CDADC1: variants seen among roughly 807,000 people sequenced by gnomAD.
CDADC1 encodes dCTP deaminase.
In CDADC1, 39 loss-of-function variants were observed where a neutral mutation model predicts 54.9. That is an observed-to-expected ratio of 0.71 (90% CI 0.55 to 0.93). CDADC1 has a LOEUF of 0.93. Among genes scored for constraint, CDADC1 ranks in the 40% least tolerant of loss-of-function variants. The pLI is 0.00. For missense variants in CDADC1, 518 were observed against 618.8 expected, an observed-to-expected ratio of 0.84 and a Z score of 1.73; for synonymous variants, 186 against 204.0, an observed-to-expected ratio of 0.91 and a Z score of 0.75.
intron 8 of CDADC1, among the ~76,000 whole-genome samples, chr13:49,283,000 C>T (rs986783065): frequency 1.3e-5 from 2 of 152,180 alleles, no homozygotes; most frequent in African/African-American, 2.4e-5. Context: ...GTTTCTATGA[C>T]ATCCAATGAT....
intron 7 of CDADC1, among the ~76,000 whole-genome samples, chr13:49,279,123 C>T (rs1043853160): frequency 6.6e-6 from 1 of 152,162 alleles, no homozygotes; most frequent in Non-Finnish European, 1.5e-5. Flanking sequence ...TGTTAATTTA[C>T]ATCATTTTCA....
chr13:49,282,240 T>G (rs1953369421), intron 8 of CDADC1, among the ~76,000 whole-genome samples: 4 of 145,040 alleles, frequency 2.8e-5, no homozygotes, highest in Admixed American at 6.8e-5. Flanking sequence ...TTGTGGGTTT[T>G]TTTTTTTTTT....
Position 49,292,923 on chromosome 13 carries a change from C to A in CDADC1, c.*1166C>A. On this transcript the variant is annotated 3_prime_UTR_variant, in exon 10 of 10. Transcript: ENST00000251108. ...CCTACCAGTTTCTCAGAATTACACG[C>A]ACGACCATCCAAACATTGGCTCCAT... 2.0e-6 allele frequency: 1 copy of A among 500,472 alleles called. No individual in the cohort carries two copies. Among genetic ancestry groups the A allele is most frequent in the Non-Finnish European group, 3.2e-6 (1 of 312,448 alleles). The allele number at this position is 500,472 out of a possible 1,614,324, so 31.0% of individuals were successfully genotyped here. A position where few individuals can be genotyped will look rare whatever the true frequency, so the allele number is the denominator to read the frequency against.
rs1395276551 is a variant in CDADC1 at position 49,292,087 on chromosome 13, G to A, written c.*330G>A. On this transcript the variant is annotated 3_prime_UTR_variant, in exon 10 of 10. Transcript: ENST00000251108. ...ATTTGAAAGGGTCTGCTTCACAAGA[G>A]GTCATGCCTCTGCAGGGAATCACAC... 12 of 1,072,644 alleles carry A rather than the reference G, an allele frequency of 1.1e-5. No individual in the cohort carries two copies. Among genetic ancestry groups the A allele is most frequent in the Non-Finnish European group, 1.2e-5 (11 of 883,016 alleles). The allele number at this position is 1,072,644 out of a possible 1,614,324, so 66.4% of individuals were successfully genotyped here.
At chr13:49,260,535 C>T (rs184205596) in intron 4 of CDADC1, among the ~76,000 whole-genome samples, 93 of 152,322 alleles carry the variant, frequency 6.1e-4, no homozygotes, top group African/African-American at 2.0e-3. Flanking sequence ...GTTGTTCCCA[C>T]TGGGCAGCTG....
At chr13:49,289,290 A>C (rs1713644104) in intron 9 of CDADC1, among the ~76,000 whole-genome samples, 1 of 151,928 alleles carries the variant, frequency 6.6e-6, no homozygotes, top group South Asian at 2.1e-4. Flanking sequence ...CACCATGCCC[A>C]GCTAATTTTG....
Position 49,292,762 on chromosome 13 carries a change from T to G in CDADC1, c.*1005T>G, listed in dbSNP as rs2138283615. ...ATTATTCCAAAAATGAAGGTACATTTTCTGTTCTCTCCTAGGTTAGAGAGG... is the reference window on the plus strand; with the variant it reads ...ATTATTCCAAAAATGAAGGTACATTGTCTGTTCTCTCCTAGGTTAGAGAGG... On this transcript the variant is annotated 3_prime_UTR_variant, in exon 10 of 10. Transcript: ENST00000251108. 1 of 1,277,768 alleles carries G rather than the reference T, an allele frequency of 7.8e-7. No homozygotes were observed. Among genetic ancestry groups the G allele is most frequent in the Non-Finnish European group, 1.0e-6 (1 of 984,464 alleles). 79.2% of individuals were successfully genotyped at this position (1,277,768 alleles called of 1,614,324 possible). A position where few individuals can be genotyped will look rare whatever the true frequency, so the allele number is the denominator to read the frequency against.
chr13:49,285,895 C>A (rs1241093515), intron 8 of CDADC1, among the ~76,000 whole-genome samples: 1 of 151,682 alleles, frequency 6.6e-6, no homozygotes, highest in East Asian at 1.9e-4. Flanking sequence ...CTCACTGCAA[C>A]CTCCACCTCC....
At chr13:49,270,192 C>G (rs943488735) in intron 5 of CDADC1, among the ~76,000 whole-genome samples, 1 of 152,022 alleles carries the variant, frequency 6.6e-6, no homozygotes, top group Non-Finnish European at 1.5e-5. Flanking sequence ...ACTTTTGGAG[C>G]CAAATGTAAA....
At chr13:49,278,328 A>T (rs1376377386) in intron 6 of CDADC1, 22 bp from the exon 7 acceptor site, 2 of 1,482,564 alleles carry the variant, frequency 1.3e-6, no homozygotes, top group East Asian at 4.8e-5. Context: ...GAAACTAACC[A>T]TTGGTTTGCT....
At chr13:49,276,078 T>C (rs1953125986) in intron 6 of CDADC1, among the ~76,000 whole-genome samples, 1 of 152,166 alleles carries the variant, frequency 6.6e-6, no homozygotes, top group South Asian at 2.1e-4. Flanking sequence ...GAGCCATGTT[T>C]TTAAAAGGAA....
chr13:49,248,060 A>C lies in CDADC1; in HGVS notation c.23A>C (p.Gln8Pro). The C allele has an allele frequency of 6.4e-7, 1 of 1,553,668 alleles. No individual in the cohort carries two copies. The highest frequency in any genetic ancestry group is 8.7e-7 in the Non-Finnish European group (1 of 1,148,206). Residue 8 changes from glutamine (Q) to proline (P), a missense_variant, in exon 1 of 10, where the codon CAA becomes CCA. Physicochemically the swap from Gln to Pro is moderately conservative, Grantham distance 76 (BLOSUM62 -1). Transcript: ENST00000251108. ...GGGATGAAAGAAGCTGGGCAGATGC[A>C]AAATCTGGAGAGCGCGAGGGCCGGG... is the stretch of plus-strand genomic sequence containing the variant. MKEAGQM[Q>P]NLESARAGRS...
intron 8 of CDADC1, among the ~76,000 whole-genome samples, chr13:49,281,932 C>T (rs950691454): frequency 7.5e-6 from 1 of 133,142 alleles, no homozygotes; most frequent in Non-Finnish European, 1.6e-5. Flanking sequence ...CCCCTCCCCC[C>T]ACCCCCCAGT....
In CDADC1 at chr13:49,278,495, C is replaced by T. The variant is rs976194726; in HGVS notation, c.1196C>T (p.Ala399Val). 1.9e-6 allele frequency: 3 copies of T among 1,565,890 alleles called. No homozygotes were observed. The highest frequency in any genetic ancestry group is 2.3e-5 in the East Asian group (1 of 43,936). The change falls in exon 7 of 10, where the codon GCG (alanine) becomes GTG (valine). Residue 399 changes from alanine to valine, a missense_variant. Physicochemically the swap from Ala to Val is moderately conservative, Grantham distance 64 (BLOSUM62 0). Coordinates refer to ENST00000251108, the MANE Select transcript of CDADC1 (RefSeq NM_030911.4). Reference sequence around the variant, plus strand: ...AGGAAATTCAGATACATCATACATGCGGAACAGAATGCCTTGACATTTAGG... The same window carrying T: ...AGGAAATTCAGATACATCATACATGTGGAACAGAATGCCTTGACATTTAGG... The part of the protein sequence containing the change: ...EIRKFRYIIH[A>V]EQNALTFRCQ...
At chr13:49,260,211 G>T (rs952105897) in intron 4 of CDADC1, among the ~76,000 whole-genome samples, 1 of 152,150 alleles carries the variant, frequency 6.6e-6, no homozygotes, top group Non-Finnish European at 1.5e-5. Flanking sequence ...CCTATTAAAT[G>T]ACCCTCAGTG....
At position 49,257,451 on chromosome 13, in the gene CDADC1, T is replaced by G. The variant is rs149216775; in HGVS notation, c.252+1538T>G. ...TAGGAGCTCTGTCAAGATCTTTTGA[T>G]GAGGCAGCATTACTTCTTTTCCAAG... On this transcript the variant is annotated intron_variant, in intron 3 of 9. Coordinates refer to ENST00000251108, the MANE Select transcript of CDADC1 (RefSeq NM_030911.4). Among the ~76,000 whole-genome samples, 338 of 152,314 alleles carry G rather than the reference T, an allele frequency of 2.2e-3. 3 individuals carry two copies. The highest frequency in any genetic ancestry group is 0.011 in the South Asian group (54 of 4,828).
At chr13:49,263,080 G>A (rs1222308810) in intron 4 of CDADC1, among the ~76,000 whole-genome samples, 1 of 152,194 alleles carries the variant, frequency 6.6e-6, no homozygotes, top group Non-Finnish European at 1.5e-5. Flanking sequence ...GGAAAACCAT[G>A]TATGTGATTG....
In CDADC1 at chr13:49,255,864, C is replaced by A. The variant is rs149519928; in HGVS notation, c.203C>A (p.Pro68His). The A allele has an allele frequency of 5.1e-4, 821 of 1,610,042 alleles. 4 individuals are homozygous for A. The African/African-American group carries it at 9.9e-3, about 19-fold the overall frequency. Residue 68 changes from proline (P) to histidine (H), a missense_variant, in exon 3 of 10, where the codon CCC becomes CAC. Transcript: ENST00000251108. ...SQKNEEGKHGPLGDNEERTRV... is the reference protein window; with the variant it reads ...SQKNEEGKHGHLGDNEERTRV... Reference sequence around the variant, plus strand: ...AAAAATGAAGAGGGAAAGCATGGACCCTTAGGAGATAATGAAGAGAGGACC... The same window carrying A: ...AAAAATGAAGAGGGAAAGCATGGACACTTAGGAGATAATGAAGAGAGGACC...
At chr13:49,250,715 A>T (rs1236584009) in intron 2 of CDADC1, among the ~76,000 whole-genome samples, 2 of 152,282 alleles carry the variant, frequency 1.3e-5, no homozygotes, top group East Asian at 3.9e-4. Context: ...TCAATATAGG[A>T]ATTGCATTGA....
Sources: allele counts gnomAD v4.1 joint callset (sites outside exome capture counted in the v4.1 genomes callset), GRCh38; gene constraint gnomAD v4.1.1; transcripts MANE v1.5; gene names NCBI Gene and HGNC (gene_info 2026-07-23, HGNC 2026-07-21).